CHL1: variants seen among roughly 807,000 people sequenced by gnomAD.
CHL1 encodes cell adhesion molecule L1 like.
Under a neutral mutation model 141.9 loss-of-function variants are expected in CHL1, and 96 were observed. The ratio of observed to expected loss-of-function variants is 0.68; its 90% confidence interval spans 0.57 to 0.80. The LOEUF is 0.80. Ranked by LOEUF, CHL1 falls within the 30% of genes least tolerant of loss-of-function variation. The pLI is 0.00. For synonymous variants in CHL1, 613 were observed against 502.2 expected, an observed-to-expected ratio of 1.22 and a Z score of -2.95; for missense variants, 1,820 against 1,457.2, an observed-to-expected ratio of 1.25 and a Z score of -4.05.
At chr3:361,636 A>C in intron 12 of CHL1, 63 bp from the exon 13 acceptor site, 2 of 1,143,736 alleles carry the variant, frequency 1.7e-6, no homozygotes, top group Non-Finnish European at 2.6e-6. Flanking sequence ...ACATAGAAAA[A>C]TTTAATTTGC....
intron 2 of CHL1, among the ~76,000 whole-genome samples, chr3:310,697 G>A (rs1936739148): frequency 6.6e-6 from 1 of 152,164 alleles, no homozygotes; most frequent in South Asian, 2.1e-4. Context: ...ACCACCAGCA[G>A]TGTGCATTTG....
chr3:231,429 G>A (rs576985641), intron 1 of CHL1, among the ~76,000 whole-genome samples: 2 of 152,122 alleles, frequency 1.3e-5, no homozygotes, highest in Non-Finnish European at 2.9e-5. Context: ...AGCAGGCTTA[G>A]CCCATAGTTG....
At chr3:295,060 C>CT (rs1698066618) in intron 2 of CHL1, among the ~76,000 whole-genome samples, 1 of 151,920 alleles carries the variant, frequency 6.6e-6, no homozygotes, top group African/African-American at 2.4e-5. Flanking sequence ...TCCTTTCTTC[C>CT]TTTGTTTCTT....
chr3:230,352 G>A (rs540658819), intron 1 of CHL1, among the ~76,000 whole-genome samples: 1 of 152,286 alleles, frequency 6.6e-6, no homozygotes, highest in South Asian at 2.1e-4. Flanking sequence ...ATCCCAAGTA[G>A]GCAGGCTCTG....
intron 2 of CHL1, among the ~76,000 whole-genome samples, chr3:310,188 G>T (rs1699638851): frequency 6.6e-6 from 1 of 152,142 alleles, no homozygotes; most frequent in South Asian, 2.1e-4. Context: ...CTAGCACTTT[G>T]GGAGGTCGAG....
In CHL1 at chr3:265,349, C is replaced by G. The variant is rs80232153; in HGVS notation, c.-95+20657C>G. Among the ~76,000 whole-genome samples the G allele has an allele frequency of 5.3e-3, 801 of 152,314 alleles. 9 individuals carry two copies. Among genetic ancestry groups the G allele is most frequent in the African/African-American group, 0.019 (774 of 41,570 alleles). On this transcript the variant is annotated intron_variant, in intron 2 of 27. Transcript: ENST00000256509. ...TGGTTAAGTGCTTAGAGTGCACAGA[C>G]TAAATGTTCAATTTGCTATAACATT...
At chr3:325,703 C>T (rs566182747) in intron 3 of CHL1, among the ~76,000 whole-genome samples, 3 of 151,980 alleles carry the variant, frequency 2.0e-5, no homozygotes, top group Non-Finnish European at 4.4e-5. Flanking sequence ...AACTTTTCTT[C>T]TGCTATAAAA....
At chr3:373,387 C>T (rs985439944) in intron 15 of CHL1, among the ~76,000 whole-genome samples, 7 of 152,242 alleles carry the variant, frequency 4.6e-5, no homozygotes, top group African/African-American at 1.7e-4. Flanking sequence ...CAGGGTCAGG[C>T]CTGAAGAGGC....
At chr3:354,499 G>A in intron 10 of CHL1, 141 bp from the exon 11 acceptor site, 2 of 890,890 alleles carry the variant, frequency 2.2e-6, no homozygotes, top group Non-Finnish European at 3.4e-6. Context: ...GCTTTGCAGA[G>A]CAAGTTTACC....
intron 27 of CHL1, among the ~76,000 whole-genome samples, chr3:403,260 G>C (rs745653893): frequency 1.4e-4 from 22 of 152,160 alleles, no homozygotes; most frequent in Non-Finnish European, 2.8e-4. Context: ...GAGCAAGAGA[G>C]AGCACCCAAG....
At chr3:362,614 G>C (rs902411147) in intron 13 of CHL1, among the ~76,000 whole-genome samples, 1 of 122,854 alleles carries the variant, frequency 8.1e-6, no homozygotes, top group African/African-American at 2.9e-5. Flanking sequence ...CGCATCCACA[G>C]CTTATCCTTA....
chr3:212,906 A>T (rs1327462186), intron 1 of CHL1, among the ~76,000 whole-genome samples: 1 of 152,242 alleles, frequency 6.6e-6, no homozygotes, highest in Non-Finnish European at 1.5e-5. Flanking sequence ...TCTTTGTGCC[A>T]AATTCTAATT....
chr3:319,614 G>T lies in CHL1; in HGVS notation c.-94-69G>T, dbSNP rs1700404783. On this transcript the variant is annotated intron_variant, in intron 2 of 27. Coordinates refer to ENST00000256509, the MANE Select transcript of CHL1 (RefSeq NM_006614.4). ...ACCAAAAAAAAAAAAAAAAAAAGAA[G>T]GTATTTAATTTGTTCTGTTGAAATT... The T allele has an allele frequency of 1.1e-5, 5 of 439,586 alleles. No homozygotes were observed. In the South Asian group the frequency reaches 1.5e-4, roughly 13 times the overall value. 27.2% of individuals were successfully genotyped at this position (439,586 alleles called of 1,614,324 possible). A position where few individuals can be genotyped will look rare whatever the true frequency, so the allele number is the denominator to read the frequency against.
chr3:347,276 G>GA (rs549040758), intron 9 of CHL1, among the ~76,000 whole-genome samples: 1 of 152,084 alleles, frequency 6.6e-6, no homozygotes, highest in South Asian at 2.1e-4. Context: ...ACAAGGACCT[G>GA]AAAAAAATTG....
chr3:340,949 G>T, intron 6 of CHL1, 33 bp downstream of exon 6: 1 of 1,588,332 alleles, frequency 6.3e-7, no homozygotes, highest in Non-Finnish European at 8.6e-7. Flanking sequence ...AAAAAAGGGG[G>T]ACATTTTAAT....
chr3:222,316 G>T (rs572315828), intron 1 of CHL1, among the ~76,000 whole-genome samples: 58 of 152,152 alleles, frequency 3.8e-4, no homozygotes, highest in African/African-American at 1.3e-3. Context: ...TCTAGCTCAC[G>T]GTCCTGTTGG....
intron 1 of CHL1, among the ~76,000 whole-genome samples, chr3:220,939 T>A (rs761444147): frequency 5.3e-5 from 8 of 152,184 alleles, no homozygotes; most frequent in Non-Finnish European, 8.8e-5. Flanking sequence ...GCCTACTACC[T>A]GGAGGCCTCA....
At chr3:354,933 A>G (rs1306918647) in intron 11 of CHL1, among the ~76,000 whole-genome samples, 162 bp downstream of exon 11, 1 of 152,202 alleles carries the variant, frequency 6.6e-6, no homozygotes. Flanking sequence ...TTTGGTTGTT[A>G]AGACTTGATA....
At chr3:369,026 G>T (rs55974703) in intron 15 of CHL1, among the ~76,000 whole-genome samples, 1 of 151,962 alleles carries the variant, frequency 6.6e-6, no homozygotes, top group Non-Finnish European at 1.5e-5. Context: ...GTCAGGTAGC[G>T]TGATGCCTCC....
Sources: allele counts gnomAD v4.1 joint callset (sites outside exome capture counted in the v4.1 genomes callset), GRCh38; gene constraint gnomAD v4.1.1; transcripts MANE v1.5; gene names NCBI Gene and HGNC (gene_info 2026-07-23, HGNC 2026-07-21).